MAPK6: variants seen among roughly 807,000 people sequenced by gnomAD.
The protein encoded by MAPK6 is mitogen-activated protein kinase 6.
Under a neutral mutation model 59.3 loss-of-function variants are expected in MAPK6, and 19 were observed. That is an observed-to-expected ratio of 0.32 (90% CI 0.22 to 0.47). MAPK6 has a LOEUF of 0.47. Among genes scored for constraint, MAPK6 ranks in the 20% least tolerant of loss-of-function variants. MAPK6 has a pLI of 1.00. For missense variants in MAPK6, 724 were observed against 847.9 expected (o/e 0.85, Z 1.81); for synonymous variants, 316 against 290.3 (o/e 1.09, Z -0.90).
Position 52,065,238 on chromosome 15 carries a change from A to T in MAPK6, c.*238A>T. The T allele has an allele frequency of 5.1e-6, 2 of 394,946 alleles. No homozygotes were observed. The highest frequency in any genetic ancestry group is 4.5e-6 in the Non-Finnish European group (1 of 222,784). 24.5% of individuals were successfully genotyped at this position (394,946 alleles called of 1,614,324 possible). A position where few individuals can be genotyped will look rare whatever the true frequency, so the allele number is the denominator to read the frequency against. ...CTAGAGCAAAATAATGCAACGCAGGAGGAGAAAAGAAATGCACTAAGACAA... is the reference window on the plus strand; with the variant it reads ...CTAGAGCAAAATAATGCAACGCAGGTGGAGAAAAGAAATGCACTAAGACAA... On this transcript the variant is annotated 3_prime_UTR_variant, in exon 6 of 6. Transcript: ENST00000261845.
At position 52,030,391 on chromosome 15, in the gene MAPK6, G is replaced by C. The variant is rs548347475; in HGVS notation, c.-632+11015G>C. Among the ~76,000 whole-genome samples, 89 of 152,210 alleles carry C rather than the reference G, an allele frequency of 5.8e-4. 2 individuals are homozygous for C. In the South Asian group the frequency reaches 0.018, roughly 30 times the overall value. Reference sequence around the variant, plus strand: ...AGTGCTCAGTAAATTTTTGTGGACTGTATAAAATGTTTGATTCCTTTAAAT... The same window carrying C: ...AGTGCTCAGTAAATTTTTGTGGACTCTATAAAATGTTTGATTCCTTTAAAT... On this transcript the variant is annotated intron_variant, in intron 1 of 5. Coordinates refer to ENST00000261845, the MANE Select transcript of MAPK6 (RefSeq NM_002748.4).
intron 1 of MAPK6, among the ~76,000 whole-genome samples, chr15:52,039,184 A>G (rs2031335517): frequency 6.6e-6 from 1 of 151,952 alleles, no homozygotes; most frequent in Non-Finnish European, 1.5e-5. Context: ...TAATTTTTGT[A>G]TTTTTAGTAG....
Position 51,998,085 on chromosome 15 carries a change from G to A in MAPK6, c.-769-6180G>A, listed in dbSNP as rs921123661. Among the ~76,000 whole-genome samples the A allele has an allele frequency of 2.3e-4, 34 of 148,140 alleles. 1 individual carries two copies. The highest frequency in any genetic ancestry group is 6.0e-4 in the Admixed American group (9 of 14,884). ...CAGCCTCCCGAGTAGCTGGGACTAC[G>A]GGCACATGCCACCACGCCCAGCTAA... is the stretch of plus-strand genomic sequence containing the variant. On this transcript the variant is annotated intron_variant, in intron 2 of 7. Transcript: ENST00000691380.
intron 1 of MAPK6, among the ~76,000 whole-genome samples, chr15:52,045,239 G>A (rs943766448): frequency 5.3e-5 from 8 of 152,264 alleles, no homozygotes; most frequent in South Asian, 2.1e-4. Flanking sequence ...GACATTAACA[G>A]AGATGCATGT....
upstream of MAPK6, among the ~76,000 whole-genome samples, chr15:52,016,062 GCGCGCGCGCACA>G (rs1306981913): frequency 2.4e-3 from 142 of 59,156 alleles, 1 homozygote; most frequent in African/African-American, 7.7e-3. Context: ...TCGCGCGCGC[GCGCGCGCGCACA>G]CACACACACA....
At chr15:52,032,785 A>C (rs2031090122) in intron 1 of MAPK6, among the ~76,000 whole-genome samples, 1 of 152,052 alleles carries the variant, frequency 6.6e-6, no homozygotes, top group Non-Finnish European at 1.5e-5. Context: ...CCCAAGTTCA[A>C]GTGATTCTCC....
chr15:52,063,775 G>A, intron 5 of MAPK6, 127 bp from the exon 6 acceptor site: 8 of 651,830 alleles, frequency 1.2e-5, no homozygotes, highest in Non-Finnish European at 1.8e-5. Context: ...GGCAAGGCAG[G>A]CATATTTACT....
intron 1 of MAPK6, among the ~76,000 whole-genome samples, chr15:52,032,604 T>C (rs1595985734): frequency 6.6e-6 from 1 of 152,358 alleles, no homozygotes; most frequent in African/African-American, 2.4e-5. Context: ...TTTTCTTTCA[T>C]CCTAAAAGAC....
chr15:52,028,499 A>G (rs753823003), intron 1 of MAPK6, among the ~76,000 whole-genome samples: 2 of 152,174 alleles, frequency 1.3e-5, no homozygotes, highest in Admixed American at 6.5e-5. Flanking sequence ...ACTGTCCAGT[A>G]TGGTAGCTAC....
At chr15:52,057,646 G>A (rs939360653) in intron 3 of MAPK6, among the ~76,000 whole-genome samples, 4 of 152,142 alleles carry the variant, frequency 2.6e-5, no homozygotes, top group African/African-American at 9.7e-5. Flanking sequence ...CAGGGTCCAA[G>A]CAATTCTTGT....
Position 52,010,286 on chromosome 15 carries a change from T to C in MAPK6, c.-632+5884T>C, listed in dbSNP as rs995574471. ...CAGGCTGGAATGCAATGGCATGATC[T>C]TGGCTCACTGCAACCTCTGCCTCCT... On this transcript the variant is annotated intron_variant, in intron 3 of 7. Coordinates refer to the MAPK6 transcript ENST00000691380. Among the ~76,000 whole-genome samples the C allele has an allele frequency of 5.0e-4, 76 of 152,190 alleles. 1 individual carries two copies. The highest frequency in any genetic ancestry group is 3.4e-3 in the Middle Eastern group (1 of 294).
chr15:52,062,370 C>G (rs567851491), intron 5 of MAPK6, among the ~76,000 whole-genome samples: 49 of 152,200 alleles, frequency 3.2e-4, no homozygotes, highest in African/African-American at 1.1e-3. Context: ...AATTTGGGGA[C>G]ACTTAACATA....
chr15:52,003,173 G>A (rs1156390755), intron 2 of MAPK6, among the ~76,000 whole-genome samples: 1 of 151,786 alleles, frequency 6.6e-6, no homozygotes, highest in African/African-American at 2.4e-5. Context: ...GGCAACAAGA[G>A]GGAAACTCCG....
At position 52,064,167 on chromosome 15, in the gene MAPK6, A is replaced by G; in HGVS notation, c.1333A>G (p.Asn445Asp). Residue 445 changes from asparagine to aspartate, a missense_variant, in exon 6 of 6, where the codon AAC becomes GAC. Around this residue, in one of 4 missense-constraint regions of MAPK6, gnomAD observed 502 missense variants for 507.6 expected, o/e 0.99. Coordinates refer to ENST00000261845, the MANE Select transcript of MAPK6 (RefSeq NM_002748.4). The part of the protein sequence containing the change: ...YCDLECSHTC[N>D]YKTRSSSYLD... The stretch of plus-strand genomic sequence containing the variant: ...TGATCTGGAGTGTAGCCATACTTGT[A>G]ACTACAAAACGAGGTCATCATCATA... 1 of 1,613,202 alleles carries G rather than the reference A, an allele frequency of 6.2e-7. No individual in the cohort carries two copies.
upstream of MAPK6, among the ~76,000 whole-genome samples, chr15:52,016,107 C>CACACACACACACACACACACACA (rs1267339787): frequency 7.3e-6 from 1 of 136,212 alleles, no homozygotes; most frequent in Non-Finnish European, 1.6e-5. Context: ...CACACACACA[C>CACACACACACACACACACACACA]AAACTAAAAC....
intron 2 of MAPK6, among the ~76,000 whole-genome samples, chr15:52,000,474 T>G (rs2057238824): frequency 6.6e-6 from 1 of 152,214 alleles, no homozygotes. Context: ...TTTTTGCATG[T>G]GGCTATTCTT....
intron 2 of MAPK6, among the ~76,000 whole-genome samples, chr15:51,999,889 C>T (rs2057237437): frequency 6.6e-6 from 1 of 152,130 alleles, no homozygotes; most frequent in Non-Finnish European, 1.5e-5. Context: ...GGTAATCTGC[C>T]TGTCTTGGCC....
At chr15:51,988,777 T>G (rs1018695179) in intron 2 of MAPK6, among the ~76,000 whole-genome samples, 1 of 150,236 alleles carries the variant, frequency 6.7e-6, no homozygotes, top group Non-Finnish European at 1.5e-5. Flanking sequence ...AAACCAGAAA[T>G]GTATTCCTTT....
chr15:52,058,933 A>C (rs891512385), intron 4 of MAPK6, 136 bp downstream of exon 4: 3 of 586,846 alleles, frequency 5.1e-6, no homozygotes, highest in Non-Finnish European at 7.9e-6. Context: ...GTGTACGTAA[A>C]ACTTCAACTC....
Sources: gnomAD v4.1 joint callset for allele counts (sites outside exome capture counted in the v4.1 genomes callset) on GRCh38, gnomAD v4.1.1 for gene constraint, gnomAD v4.1.1 regional missense constraint, MANE v1.5 for transcripts, NCBI Gene and HGNC (gene_info 2026-07-23, HGNC 2026-07-21) for gene names.